The following SPHKAP variants were observed in gnomAD, a reference collection of about 807,000 sequenced individuals.
The protein encoded by SPHKAP is A-kinase anchor protein SPHKAP.
SPHKAP carries 67 observed loss-of-function variants against 137.5 expected under a neutral mutation model. That is an observed-to-expected ratio of 0.49 (90% CI 0.40 to 0.60). SPHKAP has a LOEUF of 0.60. Among genes scored for constraint, SPHKAP ranks in the 20% least tolerant of loss-of-function variants. The probability of loss-of-function intolerance (pLI) is 0.00; values close to 1 mark genes in which losing one functional copy is unlikely to be tolerated. For missense variants in SPHKAP, 2,097 were observed against 2,069.3 expected (o/e 1.01, Z -0.26); for synonymous variants, 813 against 785.3 (o/e 1.04, Z -0.59).
chr2:228,109,018 T>G, intron 2 of SPHKAP, 79 bp from the exon 3 acceptor site: 1 of 1,007,614 alleles, frequency 9.9e-7, no homozygotes, highest in Non-Finnish European at 1.4e-6. Context: ...TTTTTTTTTT[T>G]TCTTATAAAA....
intron 1 of SPHKAP, chr2:228,132,510 G>A (rs1457695928): frequency 2.3e-6 from 2 of 862,326 alleles, no homozygotes; most frequent in Non-Finnish European, 2.8e-6. Flanking sequence ...ATTTTAATCT[G>A]GACTCAGAAT....
chr2:228,031,902 A>C (rs1331490624), intron 3 of SPHKAP, among the ~76,000 whole-genome samples: 3 of 152,322 alleles, frequency 2.0e-5, no homozygotes, highest in Non-Finnish European at 4.4e-5. Context: ...ATTATCAAAG[A>C]CCAAAAGTAG....
At position 228,179,363 on chromosome 2, in the gene SPHKAP, G is replaced by A. The variant is rs116501933; in HGVS notation, c.32+2204C>T. Among the ~76,000 whole-genome samples the A allele has an allele frequency of 5.0e-3, 766 of 152,208 alleles. 9 individuals are homozygous for A. The highest frequency in any genetic ancestry group is 0.017 in the African/African-American group (722 of 41,526). On this transcript the variant is annotated intron_variant, in intron 1 of 11. Transcript: ENST00000392056. ...AAATGCAATGTTTTGTGAACAAGTA[G>A]CATGACTAATACATGATTTGTCTAC...
At chr2:228,001,459 ATATACG>A (rs1453788898) in intron 7 of SPHKAP, among the ~76,000 whole-genome samples, 1 of 143,578 alleles carries the variant, frequency 7.0e-6, no homozygotes, top group Admixed American at 7.2e-5. Flanking sequence ...ATATACGAAT[ATATACG>A]TATATATAAA....
intron 1 of SPHKAP, among the ~76,000 whole-genome samples, chr2:228,156,171 C>T (rs1030484015): frequency 2.0e-5 from 3 of 152,084 alleles, no homozygotes; most frequent in African/African-American, 4.8e-5. Context: ...CCCCCAAATC[C>T]GACATATATG....
rs1290101435 is a variant in SPHKAP, at chr2:228,018,622, CCTT to C, written c.2229_2231del (p.Arg745del). ...GCTGGCAGCTTGGTTCTGTCTCCCT[CCTT>C]CTGATGGTCTCCTTAGAAAGGACAG... On this transcript the variant is annotated inframe_deletion, in exon 7 of 12. Transcript: ENST00000392056. 3 of 1,614,066 alleles carry C rather than the reference CCTT, an allele frequency of 1.9e-6. No individual in the cohort carries two copies. In the East Asian group the frequency reaches 6.7e-5, roughly 36 times the overall value.
At chr2:228,154,538 T>TTTA (rs1700047399) in intron 1 of SPHKAP, among the ~76,000 whole-genome samples, 1 of 22,810 alleles carries the variant, frequency 4.4e-5, no homozygotes, top group Non-Finnish European at 7.9e-5. Context: ...ATATATTTTT[T>TTTA]TTTTTTTTTT....
intron 3 of SPHKAP, among the ~76,000 whole-genome samples, chr2:228,099,845 AT>A (rs767838968): frequency 3.5e-3 from 223 of 63,536 alleles, no homozygotes; most frequent in African/African-American, 0.012. Context: ...AATGCTACTG[AT>A]TTTTTTTTGT....
chr2:228,172,967 C>CTT, intron 1 of SPHKAP: 1 of 893,002 alleles, frequency 1.1e-6, no homozygotes, highest in South Asian at 5.2e-5. Flanking sequence ...CTGCCCTATG[C>CTT]TTAGAAGTAC....
At chr2:228,173,203 G>A (rs1700638603) in intron 1 of SPHKAP, among the ~76,000 whole-genome samples, 1 of 152,296 alleles carries the variant, frequency 6.6e-6, no homozygotes, top group East Asian at 1.9e-4. Context: ...AAGGAAACAA[G>A]GAGAAAGAAA....
At chr2:227,982,695 C>G (rs1693046430) in intron 11 of SPHKAP, among the ~76,000 whole-genome samples, 1 of 152,156 alleles carries the variant, frequency 6.6e-6, no homozygotes, top group Non-Finnish European at 1.5e-5. Context: ...TGTCACAACT[C>G]TATGATGTGA....
intron 3 of SPHKAP, among the ~76,000 whole-genome samples, chr2:228,035,730 T>C (rs1574782013): frequency 6.6e-6 from 1 of 152,008 alleles, no homozygotes; most frequent in Non-Finnish European, 1.5e-5. Flanking sequence ...TAATGCCACA[T>C]ATCTACAACC....
rs762446477 is a variant in SPHKAP, at chr2:228,016,640, G to A, written c.4214C>T (p.Thr1405Ile). 1 of 1,613,604 alleles carries A rather than the reference G, an allele frequency of 6.2e-7. No individual in the cohort carries two copies. Among genetic ancestry groups the A allele is most frequent in the Non-Finnish European group, 8.5e-7 (1 of 1,179,938 alleles). ...TGGTACAGGGTCCTGGCACGAGGAA[G>A]TTTCTTTTTTAGAATCTAAAGGGCT... ...NHSPLDSKKE[T>I]SSCQDPVPIN... The change falls in exon 7 of 12, where the codon ACT (threonine) becomes ATT (isoleucine). Residue 1405 changes from threonine to isoleucine, a missense_variant. Coordinates refer to ENST00000392056, the MANE Select transcript of SPHKAP (RefSeq NM_001142644.2).
chr2:228,113,978 T>C (rs1698617774), intron 2 of SPHKAP, among the ~76,000 whole-genome samples: 2 of 152,098 alleles, frequency 1.3e-5, no homozygotes, highest in Non-Finnish European at 2.9e-5. Flanking sequence ...GGACAAATCA[T>C]TAGGAAAAGA....
At chr2:228,004,249 G>A (rs1694034891) in intron 7 of SPHKAP, among the ~76,000 whole-genome samples, 1 of 152,026 alleles carries the variant, frequency 6.6e-6, no homozygotes, top group Non-Finnish European at 1.5e-5. Context: ...GCCTGTTATT[G>A]GTCTATTCAG....
intron 5 of SPHKAP, among the ~76,000 whole-genome samples, chr2:228,023,392 C>A (rs1181639680): frequency 6.6e-6 from 1 of 152,174 alleles, no homozygotes; most frequent in African/African-American, 2.4e-5. Flanking sequence ...AGGCCTCAAC[C>A]CAGATCTACT....
At chr2:228,048,706 G>A (rs1696153047) in intron 3 of SPHKAP, among the ~76,000 whole-genome samples, 1 of 152,104 alleles carries the variant, frequency 6.6e-6, no homozygotes, top group Admixed American at 6.5e-5. Flanking sequence ...GAGAAGCAAT[G>A]GGCTACAGCA....
chr2:228,032,326 T>A (rs1478677312), intron 3 of SPHKAP, among the ~76,000 whole-genome samples: 2 of 151,700 alleles, frequency 1.3e-5, no homozygotes, highest in Non-Finnish European at 2.9e-5. Flanking sequence ...AAGGGAAGAT[T>A]AGAGAAAAAA....
At chr2:228,054,622 C>T (rs998395664) in intron 3 of SPHKAP, among the ~76,000 whole-genome samples, 9 of 152,084 alleles carry the variant, frequency 5.9e-5, no homozygotes, top group African/African-American at 2.2e-4. Flanking sequence ...GGTTCACTAA[C>T]CTCCACAATC....
Sources: gnomAD v4.1 joint callset for allele counts (sites outside exome capture counted in the v4.1 genomes callset) on GRCh38, gnomAD v4.1.1 for gene constraint, MANE v1.5 for transcripts, NCBI Gene and HGNC (gene_info 2026-07-23, HGNC 2026-07-21) for gene names.